DCDC2C: variants seen among roughly 807,000 people sequenced by gnomAD.
DCDC2C encodes doublecortin domain containing 2C.
In DCDC2C, 44 loss-of-function variants were observed where a neutral mutation model predicts 45.0. The ratio of observed to expected loss-of-function variants is 0.98; its 90% confidence interval spans 0.77 to 1.26. The LOEUF (loss-of-function observed/expected upper bound fraction) is 1.26. Ranked by LOEUF, DCDC2C falls within the 50% of genes most tolerant of loss-of-function variation. The pLI is 0.00. For missense variants in DCDC2C, 447 were observed against 468.9 expected, an observed-to-expected ratio of 0.95 and a Z score of 0.43; for synonymous variants, 187 against 178.8, an observed-to-expected ratio of 1.05 and a Z score of -0.37.
chr2:3,720,314 G>A (rs903285163), intron 2 of DCDC2C, among the ~76,000 whole-genome samples: 7 of 152,188 alleles, frequency 4.6e-5, no homozygotes, highest in Non-Finnish European at 1.0e-4. Flanking sequence ...TTCTGCATCA[G>A]GAACAGTCCA....
At chr2:3,755,905 T>C (rs1018399465) in intron 6 of DCDC2C, among the ~76,000 whole-genome samples, 3 of 152,190 alleles carry the variant, frequency 2.0e-5, no homozygotes, top group Admixed American at 6.5e-5. Flanking sequence ...CATGTGTATG[T>C]ATGTATTCAC....
rs13408968 is a variant in DCDC2C at position 3,829,318 on chromosome 2, T to A, written c.1066-17836T>A. On this transcript the variant is annotated intron_variant, in intron 10 of 10. Coordinates refer to ENST00000399143, the MANE Select transcript of DCDC2C (RefSeq NM_001287444.2). ...TTTTTTTTGCATTGATTTTAGTCAATCTGGCAACTAAGGAATGGTTAAAAA... is the reference window on the plus strand; with the variant it reads ...TTTTTTTTGCATTGATTTTAGTCAAACTGGCAACTAAGGAATGGTTAAAAA... Among the ~76,000 whole-genome samples, 844 of 147,580 alleles carry A rather than the reference T, an allele frequency of 5.7e-3. 5 individuals are homozygous for A. The highest frequency in any genetic ancestry group is 0.02 in the African/African-American group (806 of 40,104).
intron 6 of DCDC2C, among the ~76,000 whole-genome samples, chr2:3,755,166 T>C (rs761446477): frequency 1.3e-5 from 2 of 152,146 alleles, no homozygotes; most frequent in Non-Finnish European, 2.9e-5. Context: ...TGCATGTGTA[T>C]GTATGGATGC....
chr2:3,744,569 C>G (rs941296102), intron 4 of DCDC2C, among the ~76,000 whole-genome samples: 3 of 152,156 alleles, frequency 2.0e-5, no homozygotes, highest in African/African-American at 7.2e-5. Context: ...AGGAGGCCGC[C>G]GTGGGCAGTG....
intron 10 of DCDC2C, among the ~76,000 whole-genome samples, chr2:3,798,523 C>T (rs1339125240): frequency 8.6e-5 from 13 of 150,494 alleles, no homozygotes; most frequent in Non-Finnish European, 1.8e-4. Flanking sequence ...TGTTCCTTTC[C>T]ATGTTTAGTG....
chr2:3,764,153 C>T (rs1268666018), intron 6 of DCDC2C, among the ~76,000 whole-genome samples: 4 of 152,194 alleles, frequency 2.6e-5, no homozygotes, highest in South Asian at 2.1e-4. Context: ...CTCTGCTCTC[C>T]TCTGACCCAA....
intron 3 of DCDC2C, among the ~76,000 whole-genome samples, chr2:3,729,362 C>A (rs183096155): frequency 1.3e-5 from 2 of 152,214 alleles, no homozygotes; most frequent in African/African-American, 2.4e-5. Context: ...AGACTGACGT[C>A]GAAGATAGAC....
intron 1 of DCDC2C, among the ~76,000 whole-genome samples, chr2:3,706,401 T>C (rs759920489): frequency 1.3e-5 from 2 of 152,250 alleles, no homozygotes; most frequent in African/African-American, 2.4e-5. Flanking sequence ...AATTTTTTTC[T>C]TTATAAAACA....
In DCDC2C at chr2:3,840,285, C is replaced by A. The variant is rs868232301; in HGVS notation, c.1066-6869C>A. On this transcript the variant is annotated intron_variant, in intron 10 of 10. Transcript: ENST00000399143. ...CACCCAGCACCTGCATTTTACTGGTCACCTGGAAAGACCCTGTCACCTCCT... is the reference window on the plus strand; with the variant it reads ...CACCCAGCACCTGCATTTTACTGGTAACCTGGAAAGACCCTGTCACCTCCT... 8.3e-4 allele frequency among the ~76,000 whole-genome samples: 127 copies of A among 152,192 alleles called. 3 individuals are homozygous for A. The highest frequency in any genetic ancestry group is 5.2e-4 in the Admixed American group (8 of 15,282).
At chr2:3,800,899 G>A (rs906067531) in intron 10 of DCDC2C, among the ~76,000 whole-genome samples, 16 of 152,134 alleles carry the variant, frequency 1.1e-4, no homozygotes, top group Non-Finnish European at 1.8e-4. Context: ...TTTTTGTAGC[G>A]TCAATGCAAA....
chr2:3,798,029 A>T (rs1269408014), intron 10 of DCDC2C, among the ~76,000 whole-genome samples: 1 of 151,964 alleles, frequency 6.6e-6, no homozygotes, highest in Admixed American at 6.6e-5. Flanking sequence ...GTCACTCAGG[A>T]CTTGCTTTAT....
intron 10 of DCDC2C, among the ~76,000 whole-genome samples, chr2:3,802,380 C>A (rs1390119368): frequency 3.9e-5 from 6 of 152,202 alleles, no homozygotes; most frequent in Non-Finnish European, 5.9e-5. Context: ...GTGTGGTTAA[C>A]CTTTAAGTTA....
chr2:3,838,381 G>T (rs555598896), intron 10 of DCDC2C, among the ~76,000 whole-genome samples: 112 of 152,096 alleles, frequency 7.4e-4, no homozygotes, highest in Admixed American at 1.9e-3. Context: ...GATATGATGA[G>T]GCCAAGGCAC....
chr2:3,781,223 T>A (rs555591672), intron 9 of DCDC2C, among the ~76,000 whole-genome samples: 7 of 152,394 alleles, frequency 4.6e-5, no homozygotes, highest in African/African-American at 1.7e-4. Flanking sequence ...TAGCCCTTCC[T>A]GGCCAATAGG....
intron 8 of DCDC2C, among the ~76,000 whole-genome samples, chr2:3,770,723 A>G (rs771106379): frequency 2.0e-5 from 3 of 152,236 alleles, no homozygotes; most frequent in Non-Finnish European, 4.4e-5. Flanking sequence ...TGTGTCCAAC[A>G]CAACTTTTCA....
intron 2 of DCDC2C, among the ~76,000 whole-genome samples, chr2:3,716,855 G>A (rs2163264): frequency 0.048 from 7,266 of 152,220 alleles, 604 homozygotes; most frequent in African/African-American, 0.17. Context: ...CATCCATGTT[G>A]TAGTGTGTAT....
At chr2:3,708,641 G>A in intron 2 of DCDC2C, 41 bp downstream of exon 2, 1 of 1,462,130 alleles carries the variant, frequency 6.8e-7, no homozygotes, top group Non-Finnish European at 9.3e-7. Flanking sequence ...GAATAAATTG[G>A]CCAACTTGGT....
Position 3,761,630 on chromosome 2 carries a change from T to A in DCDC2C, c.727-6124T>A, listed in dbSNP as rs545549433. On this transcript the variant is annotated intron_variant, in intron 6 of 10. Transcript: ENST00000399143. This position sits in a 1 kb window ranked among gnomAD's most constrained non-coding sequence, Gnocchi z 4.3. ...AATGTTAGCAAATCTTCCACTTTAA[T>A]AAATGTTCAAAGCAGGCCTGGTTCA... is the stretch of plus-strand genomic sequence containing the variant. 9.2e-5 allele frequency among the ~76,000 whole-genome samples: 14 copies of A among 152,228 alleles called. No homozygotes were observed. The highest frequency in any genetic ancestry group is 2.1e-4 in the Non-Finnish European group (14 of 68,038).
chr2:3,728,901 T>G (rs1457305663), intron 3 of DCDC2C, among the ~76,000 whole-genome samples: 1 of 152,008 alleles, frequency 6.6e-6, no homozygotes, highest in Non-Finnish European at 1.5e-5. Flanking sequence ...CACCGGGGGA[T>G]TGAGCTGGTG....
Sources: gnomAD v4.1 joint callset for allele counts (sites outside exome capture counted in the v4.1 genomes callset) on GRCh38, gnomAD v4.1.1 for gene constraint, Gnocchi (gnomAD v3.1) non-coding constraint, MANE v1.5 for transcripts, NCBI Gene and HGNC (gene_info 2026-07-23, HGNC 2026-07-21) for gene names.